BCAR3: variants seen among roughly 807,000 people sequenced by gnomAD.
BCAR3 encodes the protein breast cancer anti-estrogen resistance protein 3.
Under a neutral mutation model 80.1 loss-of-function variants are expected in BCAR3, and 37 were observed. That is an observed-to-expected ratio of 0.46 (90% confidence interval 0.36 to 0.61). BCAR3 has a LOEUF of 0.61. Ranked by LOEUF, BCAR3 falls within the 20% of genes least tolerant of loss-of-function variation. The pLI is 0.00. For synonymous variants in BCAR3, 389 were observed against 418.9 expected (o/e 0.93, Z 0.87); for missense variants, 978 against 1,068.2 (o/e 0.92, Z 1.18).
intron 2 of BCAR3, among the ~76,000 whole-genome samples, chr1:93,730,379 A>G (rs1571079903): frequency 6.6e-6 from 1 of 152,164 alleles, no homozygotes; most frequent in African/African-American, 2.4e-5. Context: ...GTGTGCAGAG[A>G]TATCTGGTTA....
At chr1:93,702,897 G>A (rs1649696562) in intron 3 of BCAR3, among the ~76,000 whole-genome samples, 1 of 152,236 alleles carries the variant, frequency 6.6e-6, no homozygotes, top group South Asian at 2.1e-4. Context: ...GCCCACGCAT[G>A]TCAGAGGCTT....
At chr1:93,787,923 C>T (rs1272715040) in intron 2 of BCAR3, among the ~76,000 whole-genome samples, 1 of 152,120 alleles carries the variant, frequency 6.6e-6, no homozygotes, top group Non-Finnish European at 1.5e-5. Context: ...TGAAGTCCCT[C>T]ACTATTATTG....
chr1:93,696,541 T>C (rs1008103217), intron 3 of BCAR3, among the ~76,000 whole-genome samples: 1 of 152,022 alleles, frequency 6.6e-6, no homozygotes, highest in African/African-American at 2.4e-5. Flanking sequence ...GACTCTCCAT[T>C]GCTTCCCAGC....
intron 2 of BCAR3, among the ~76,000 whole-genome samples, chr1:93,815,129 C>T (rs1018781660): frequency 6.6e-5 from 10 of 152,210 alleles, no homozygotes; most frequent in African/African-American, 1.9e-4. Flanking sequence ...AATTATATCA[C>T]ACCTGAGATC....
chr1:93,726,249 T>C (rs925758864), intron 2 of BCAR3, among the ~76,000 whole-genome samples: 1 of 152,032 alleles, frequency 6.6e-6, no homozygotes. Context: ...ATATTTTTTT[T>C]TGAGAGAGAG....
chr1:93,832,141 T>C (rs1405748368), intron 2 of BCAR3, among the ~76,000 whole-genome samples: 1 of 152,304 alleles, frequency 6.6e-6, no homozygotes, highest in African/African-American at 2.4e-5. Flanking sequence ...TAACAGGACT[T>C]GATTAACTTC....
chr1:93,700,100 T>C (rs1301739240), intron 3 of BCAR3, among the ~76,000 whole-genome samples: 1 of 152,226 alleles, frequency 6.6e-6, no homozygotes, highest in African/African-American at 2.4e-5. Context: ...TCCTCCACCC[T>C]GGGGGCTCAG....
rs763261459 is a variant in BCAR3 at position 93,562,332 on chromosome 1, T to C, written c.2387A>G (p.Asn796Ser). ...LLWGSKGAQV[N>S]QTERYEKFNQ... is the part of the protein sequence containing the mutation. ...GAATTTCTCATATCTCTCTGTCTGA[T>C]TGACTTGTGCACCTTTGCTGCCCCA... The change falls in exon 12 of 12, where the codon AAT (asparagine) becomes AGT (serine). Residue 796 changes from asparagine (N) to serine (S), a missense_variant. Physicochemically the swap from Asn to Ser is conservative, Grantham distance 46 (BLOSUM62 1). Transcript: ENST00000260502. 3.7e-6 allele frequency: 6 copies of C among 1,614,092 alleles called. No individual in the cohort carries two copies. The highest frequency in any genetic ancestry group is 3.3e-5 in the Admixed American group (2 of 60,006).
intron 8 of BCAR3, among the ~76,000 whole-genome samples, chr1:93,575,211 C>T (rs549442220): frequency 9.7e-4 from 148 of 152,334 alleles, no homozygotes; most frequent in African/African-American, 3.4e-3. Flanking sequence ...CTGGACAGCA[C>T]TGTGACCTGG....
At position 93,740,782 on chromosome 1, in the gene BCAR3, T is replaced by C. The variant is rs112466615; in HGVS notation, c.-62-34640A>G. ...CTAATATCTTTGCTATCTTAGGTGA[T>C]AGGCATTAGGGACTAGCTGCCAAGC... On this transcript the variant is annotated intron_variant, in intron 2 of 13. Coordinates refer to the BCAR3 transcript ENST00000370244. Among the ~76,000 whole-genome samples, 139 of 152,244 alleles carry C rather than the reference T, an allele frequency of 9.1e-4. 3 individuals carry two copies. The highest frequency in any genetic ancestry group is 3.2e-3 in the African/African-American group (133 of 41,550).
At chr1:93,802,928 C>A (rs77593279) in intron 2 of BCAR3, among the ~76,000 whole-genome samples, 5 of 152,150 alleles carry the variant, frequency 3.3e-5, no homozygotes, top group Non-Finnish European at 5.9e-5. Flanking sequence ...TTGTCTGCAA[C>A]CAACTAATCG....
rs558184326 is a variant in BCAR3, at chr1:93,592,464, G to A, written c.358-71C>T. ...CAGGCCATGCCAGCTGGAGGTGACCGCCTGCTTCACTAATCCAACCAGTTA... is the reference window on the plus strand; with the variant it reads ...CAGGCCATGCCAGCTGGAGGTGACCACCTGCTTCACTAATCCAACCAGTTA... On this transcript the variant is annotated intron_variant, in intron 3 of 11. Transcript: ENST00000260502. This position sits in a 1 kb window ranked among gnomAD's most constrained non-coding sequence, Gnocchi z 4.8. 7.0e-4 allele frequency: 1,059 copies of A among 1,503,060 alleles called. No individual in the cohort carries two copies. The highest frequency in any genetic ancestry group is 8.4e-4 in the Non-Finnish European group (952 of 1,132,614). The allele number at this position is 1,503,060 out of a possible 1,614,324, so 93.1% of individuals were successfully genotyped here.
chr1:93,771,916 C>A (rs1434762168), intron 2 of BCAR3, among the ~76,000 whole-genome samples: 1 of 152,180 alleles, frequency 6.6e-6, no homozygotes, highest in Non-Finnish European at 1.5e-5. Context: ...ATGTCCATCT[C>A]CCTCCCACCA....
chr1:93,721,272 T>C (rs985769486), intron 2 of BCAR3, among the ~76,000 whole-genome samples: 2 of 152,074 alleles, frequency 1.3e-5, no homozygotes, highest in African/African-American at 2.4e-5. Flanking sequence ...CTCAGAATCC[T>C]TGGGAACAGA....
chr1:93,669,872 G>A (rs1648123189), intron 2 of BCAR3, among the ~76,000 whole-genome samples: 1 of 152,204 alleles, frequency 6.6e-6, no homozygotes, highest in Non-Finnish European at 1.5e-5. Context: ...TCACTGATAT[G>A]TAGGAGCTAA....
intron 2 of BCAR3, among the ~76,000 whole-genome samples, chr1:93,749,111 T>G (rs1651454463): frequency 6.6e-6 from 1 of 151,510 alleles, no homozygotes; most frequent in African/African-American, 2.4e-5. Context: ...CAAATAATGG[T>G]ATGTGTGTGG....
chr1:93,575,953 G>C (rs1430566436), intron 8 of BCAR3, 61 bp downstream of exon 8: 10 of 1,463,980 alleles, frequency 6.8e-6, no homozygotes, highest in Non-Finnish European at 9.6e-6. Flanking sequence ...TCTAAAACCT[G>C]CTGCTCTGAT....
chr1:93,679,439 G>A (rs1013483087), intron 1 of BCAR3, among the ~76,000 whole-genome samples: 1 of 152,124 alleles, frequency 6.6e-6, no homozygotes, highest in Non-Finnish European at 1.5e-5. Flanking sequence ...ACATGGACAC[G>A]GACACAGACA....
rs763193150 is a variant in BCAR3 at position 93,582,884 on chromosome 1, G to T, written c.1103C>A (p.Thr368Lys). The change falls in exon 7 of 12, where the codon ACG becomes AAG. Residue 368 changes from threonine (T) to lysine (K), a missense_variant. Coordinates refer to ENST00000260502, the MANE Select transcript of BCAR3 (RefSeq NM_003567.4). ...TGGGCTCAGGGCAGGCTCGCTTCCC[G>T]TCCTGAACACAGGTGAGTTTGGGCA... ...SPCPNSPVFR[T>K]GSEPALSPAV... The T allele has an allele frequency of 1.2e-6, 2 of 1,609,938 alleles. No individual in the cohort carries two copies. Among genetic ancestry groups the T allele is most frequent in the African/African-American group, 2.7e-5 (2 of 74,892 alleles).
Sources: gnomAD v4.1 joint callset for allele counts (sites outside exome capture counted in the v4.1 genomes callset) on GRCh38, gnomAD v4.1.1 for gene constraint, Gnocchi (gnomAD v3.1) non-coding constraint, MANE v1.5 for transcripts, NCBI Gene and HGNC (gene_info 2026-07-23, HGNC 2026-07-21) for gene names.